The following VAV1 variants were observed in gnomAD, a reference collection of about 807,000 sequenced individuals.
VAV1 encodes the protein proto-oncogene vav.
VAV1 carries 33 observed loss-of-function variants against 128.1 expected under a neutral mutation model. That is an observed-to-expected ratio of 0.26 (90% CI 0.20 to 0.34). The LOEUF is 0.34. VAV1 is among the 10% of genes least tolerant of loss of function. The pLI, the probability that VAV1 is intolerant of heterozygous loss-of-function variation, is 1.00. For synonymous variants in VAV1, 394 were observed against 409.8 expected (o/e 0.96, Z 0.47); for missense variants, 715 against 1,093.7 (o/e 0.65, Z 4.88).
chr19:6,806,578 A>C (rs1052789725), intron 1 of VAV1, among the ~76,000 whole-genome samples: 1 of 152,198 alleles, frequency 6.6e-6, no homozygotes, highest in Non-Finnish European at 1.5e-5. Flanking sequence ...AAGTAGCTGC[A>C]GTTGCTCCAG....
intron 1 of VAV1, among the ~76,000 whole-genome samples, chr19:6,803,813 C>A (rs757442541): frequency 2.6e-5 from 4 of 152,098 alleles, no homozygotes; most frequent in African/African-American, 9.7e-5. Context: ...GATCCAGCCA[C>A]GTCGGCCTCC....
intron 1 of VAV1, among the ~76,000 whole-genome samples, chr19:6,774,159 ACT>A (rs1206080358): frequency 1.3e-5 from 2 of 151,720 alleles, no homozygotes; most frequent in African/African-American, 4.9e-5. Context: ...ACGGAGTCTC[ACT>A]CTGTCACGCA....
intron 19 of VAV1, among the ~76,000 whole-genome samples, chr19:6,834,786 AC>A (rs1005219767): frequency 2.0e-5 from 3 of 150,282 alleles, no homozygotes; most frequent in Non-Finnish European, 3.0e-5. Context: ...GGAGTGTTCC[AC>A]TTATATGCCA....
At chr19:6,798,668 C>T (rs1042003730) in intron 1 of VAV1, among the ~76,000 whole-genome samples, 1 of 151,210 alleles carries the variant, frequency 6.6e-6, no homozygotes, top group Non-Finnish European at 1.5e-5. Context: ...TTCCCCCCCC[C>T]ACCCAAAAGA....
intron 1 of VAV1, among the ~76,000 whole-genome samples, chr19:6,787,917 A>T (rs2144707213): frequency 6.6e-6 from 1 of 152,106 alleles, no homozygotes; most frequent in East Asian, 1.9e-4. Context: ...TCTACTAAAA[A>T]ATACAAAAAA....
chr19:6,819,480 T>C (rs1413210397), intron 1 of VAV1, among the ~76,000 whole-genome samples: 1 of 152,268 alleles, frequency 6.6e-6, no homozygotes, highest in African/African-American at 2.4e-5. Flanking sequence ...CATTTTGTGA[T>C]TTGCTTCTTT....
chr19:6,807,704 T>G (rs1971425257), intron 1 of VAV1, among the ~76,000 whole-genome samples: 1 of 151,924 alleles, frequency 6.6e-6, no homozygotes, highest in South Asian at 2.1e-4. Context: ...AGTGAGACCC[T>G]GTCTTTTAAA....
At chr19:6,814,733 C>CTTTCT (rs1971606926) in intron 1 of VAV1, among the ~76,000 whole-genome samples, 1 of 24,166 alleles carries the variant, frequency 4.1e-5, no homozygotes, top group Non-Finnish European at 1.1e-4. Context: ...TCTTTCTTTC[C>CTTTCT]TTTTTCCCTC....
intron 1 of VAV1, among the ~76,000 whole-genome samples, chr19:6,785,865 G>A (rs1356833875): frequency 6.6e-6 from 1 of 151,688 alleles, no homozygotes; most frequent in East Asian, 1.9e-4. Flanking sequence ...TCACCATGTT[G>A]GCCAGCTGGT....
At chr19:6,798,420 G>C (rs1971189046) in intron 1 of VAV1, among the ~76,000 whole-genome samples, 1 of 151,880 alleles carries the variant, frequency 6.6e-6, no homozygotes, top group Admixed American at 6.6e-5. Flanking sequence ...TTGAGTTTAG[G>C]AGATCGAGAT....
At position 6,824,977 on chromosome 19, in the gene VAV1, C is replaced by T; in HGVS notation, c.655-76C>T. On this transcript the variant is annotated intron_variant, in intron 6 of 26. Coordinates refer to ENST00000602142, the MANE Select transcript of VAV1 (RefSeq NM_005428.4). ...TCTCTTTATCTCCCTCTCTCTGTCT[C>T]CTTCCCCTGTCTCTCTGAGACTGGT... The T allele has an allele frequency of 2.7e-6, 4 of 1,469,926 alleles. No individual in the cohort carries two copies. The South Asian group carries it at 3.4e-5, about 13-fold the overall frequency. 91.1% of individuals were successfully genotyped at this position (1,469,926 alleles called of 1,614,324 possible). A position where few individuals can be genotyped will look rare whatever the true frequency, so the allele number is the denominator to read the frequency against.
At chr19:6,855,866 A>G (rs2144839116) in intron 26 of VAV1, among the ~76,000 whole-genome samples, 1 of 152,178 alleles carries the variant, frequency 6.6e-6, no homozygotes, top group Middle Eastern at 3.4e-3. Context: ...CTATCTACCT[A>G]TCTATCCACC....
chr19:6,779,475 T>G (rs534913554), intron 1 of VAV1, among the ~76,000 whole-genome samples: 28 of 151,288 alleles, frequency 1.9e-4, no homozygotes, highest in African/African-American at 6.7e-4. Flanking sequence ...CTGTAGAGAT[T>G]ATAATTATTC....
At chr19:6,778,532 C>T (rs1970694279) in intron 1 of VAV1, among the ~76,000 whole-genome samples, 1 of 152,130 alleles carries the variant, frequency 6.6e-6, no homozygotes, top group Non-Finnish European at 1.5e-5. Context: ...CCTGGTTTCA[C>T]CTCTCTGAGC....
chr19:6,838,081 A>ATCTG (rs1257293279), intron 21 of VAV1, among the ~76,000 whole-genome samples: 3,434 of 133,274 alleles, frequency 0.026, 137 homozygotes, highest in African/African-American at 0.086. Flanking sequence ...TTCTGCCCTC[A>ATCTG]TCTGTCTGTC....
chr19:6,850,658 A>T lies in VAV1; in HGVS notation c.2130-12A>T, dbSNP rs1438235295. 1 of 1,613,854 alleles carries T rather than the reference A, an allele frequency of 6.2e-7. No homozygotes were observed. The highest frequency in any genetic ancestry group is 8.5e-7 in the Non-Finnish European group (1 of 1,179,918). Reference sequence around the variant, plus strand: ...TCCCCAGACTCAGGGCCCGGTGACCATCTGGTTCCAGATATAACGTCGAGG... The same window carrying T: ...TCCCCAGACTCAGGGCCCGGTGACCTTCTGGTTCCAGATATAACGTCGAGG... On this transcript the variant is annotated splice_polypyrimidine_tract_variant and intron_variant, in intron 23 of 26. Transcript: ENST00000602142.
intron 1 of VAV1, among the ~76,000 whole-genome samples, chr19:6,792,566 C>CTGTTTTGTTTTGTTT (rs59781838): frequency 2.6e-5 from 4 of 151,068 alleles, no homozygotes; most frequent in African/African-American, 9.8e-5. Context: ...GTTCTTTTTT[C>CTGTTTTGTTTTGTTT]TGTTTTGTTT....
At chr19:6,799,087 A>C (rs1421096275) in intron 1 of VAV1, among the ~76,000 whole-genome samples, 1 of 152,014 alleles carries the variant, frequency 6.6e-6, no homozygotes, top group Non-Finnish European at 1.5e-5. Flanking sequence ...ATGTTGTTGT[A>C]TGTATCAGTG....
chr19:6,844,521 C>A (rs569853799), intron 22 of VAV1, among the ~76,000 whole-genome samples: 13 of 152,208 alleles, frequency 8.5e-5, no homozygotes, highest in African/African-American at 3.1e-4. Flanking sequence ...CCAGCCGACG[C>A]TCCCATCTTC....
Sources: allele counts gnomAD v4.1 joint callset (sites outside exome capture counted in the v4.1 genomes callset), GRCh38; gene constraint gnomAD v4.1.1; transcripts MANE v1.5; gene names NCBI Gene and HGNC (gene_info 2026-07-23, HGNC 2026-07-21).